Variants in AGBL4 observed in about 807,000 individuals in gnomAD.
AGBL4 encodes the protein AGBL carboxypeptidase 4, also known as cytosolic carboxypeptidase 6.
Under a neutral mutation model 66.4 loss-of-function variants are expected in AGBL4, and 58 were observed. That is an observed-to-expected ratio of 0.87 (90% CI 0.71 to 1.09). The LOEUF (loss-of-function observed/expected upper bound fraction) is 1.09, where lower values mean the gene tolerates loss of function less well. Among genes scored for constraint, AGBL4 ranks in the 50% least tolerant of loss-of-function variants. The pLI is 0.00. For missense variants in AGBL4, 579 were observed against 631.0 expected (o/e 0.92, Z 0.88); for synonymous variants, 234 against 222.9 (o/e 1.05, Z -0.44).
At chr1:48,910,797 T>A (rs1405221803) in intron 5 of AGBL4, among the ~76,000 whole-genome samples, 1 of 152,222 alleles carries the variant, frequency 6.6e-6, no homozygotes, top group Non-Finnish European at 1.5e-5. Flanking sequence ...AATGGATTTC[T>A]CCATATGGCA....
intron 5 of AGBL4, among the ~76,000 whole-genome samples, chr1:48,883,163 C>A (rs1459638872): frequency 6.6e-6 from 1 of 152,148 alleles, no homozygotes; most frequent in African/African-American, 2.4e-5. Context: ...TATGGTAGTT[C>A]TATTTTTAAT....
chr1:49,161,409 G>T (rs1032716186), intron 4 of AGBL4, among the ~76,000 whole-genome samples: 2 of 152,158 alleles, frequency 1.3e-5, no homozygotes, highest in Admixed American at 1.3e-4. Context: ...CCAATGAGAT[G>T]AACTGGTTAC....
At chr1:50,019,177 C>A (rs890491847) in intron 1 of AGBL4, among the ~76,000 whole-genome samples, 1 of 151,684 alleles carries the variant, frequency 6.6e-6, no homozygotes, top group Non-Finnish European at 1.5e-5. Context: ...ATATTTGCAT[C>A]CATACCTGCC....
At chr1:49,821,694 T>C (rs1645374735) in intron 2 of AGBL4, among the ~76,000 whole-genome samples, 1 of 152,226 alleles carries the variant, frequency 6.6e-6, no homozygotes, top group African/African-American at 2.4e-5. Context: ...ACTAAATGTT[T>C]ATATTTGTAA....
At chr1:49,877,147 TA>T (rs1647036894) in intron 1 of AGBL4, among the ~76,000 whole-genome samples, 1 of 151,552 alleles carries the variant, frequency 6.6e-6, no homozygotes, top group Non-Finnish European at 1.5e-5. Context: ...GAATACCCTT[TA>T]TTTCCGTCTC....
At chr1:49,891,340 T>G (rs1458670521) in intron 1 of AGBL4, among the ~76,000 whole-genome samples, 1 of 152,220 alleles carries the variant, frequency 6.6e-6, no homozygotes, top group Non-Finnish European at 1.5e-5. Context: ...AAAGTTCTAA[T>G]TTCTTCATCT....
intron 3 of AGBL4, among the ~76,000 whole-genome samples, chr1:49,291,849 T>C (rs969839715): frequency 6.6e-6 from 1 of 152,278 alleles, no homozygotes; most frequent in Admixed American, 6.5e-5. Flanking sequence ...CCACTCCTTC[T>C]GAGTTGTTGA....
At chr1:49,820,557 C>T (rs1355683143) in intron 2 of AGBL4, among the ~76,000 whole-genome samples, 1 of 151,996 alleles carries the variant, frequency 6.6e-6, no homozygotes, top group East Asian at 1.9e-4. Flanking sequence ...TGCAATAAGC[C>T]CTCACAGATC....
intron 3 of AGBL4, among the ~76,000 whole-genome samples, chr1:49,544,112 C>T (rs1459356878): frequency 6.6e-6 from 1 of 152,130 alleles, no homozygotes; most frequent in Non-Finnish European, 1.5e-5. Flanking sequence ...AATAAATGCC[C>T]CGTTTTCACT....
chr1:49,783,542 TATC>T (rs1644384054), intron 2 of AGBL4, among the ~76,000 whole-genome samples: 1 of 152,142 alleles, frequency 6.6e-6, no homozygotes, highest in African/African-American at 2.4e-5. Flanking sequence ...CCACAACTAA[TATC>T]ATACTTAATA....
chr1:49,841,591 T>C (rs1645990982), intron 2 of AGBL4, among the ~76,000 whole-genome samples: 1 of 152,074 alleles, frequency 6.6e-6, no homozygotes, highest in African/African-American at 2.4e-5. Flanking sequence ...AACTTCAAAC[T>C]ATACTCTAAG....
At chr1:49,953,782 C>T (rs1473249175) in intron 1 of AGBL4, among the ~76,000 whole-genome samples, 2 of 151,910 alleles carry the variant, frequency 1.3e-5, no homozygotes, top group Non-Finnish European at 2.9e-5. Context: ...ATCTAAACAC[C>T]ATAATTAAAC....
At chr1:49,756,862 C>T (rs1571497990) in intron 2 of AGBL4, among the ~76,000 whole-genome samples, 1 of 152,146 alleles carries the variant, frequency 6.6e-6, no homozygotes, top group African/African-American at 2.4e-5. Flanking sequence ...AAACCTCTTT[C>T]CTTTATAAAT....
chr1:49,535,115 T>C (rs1460719676), intron 3 of AGBL4, among the ~76,000 whole-genome samples: 1 of 151,994 alleles, frequency 6.6e-6, no homozygotes, highest in African/African-American at 2.4e-5. Context: ...AAACAGTATA[T>C]TATATGCATC....
intron 3 of AGBL4, among the ~76,000 whole-genome samples, chr1:49,395,497 TA>T (rs1482228315): frequency 6.6e-6 from 1 of 151,238 alleles, no homozygotes; most frequent in Non-Finnish European, 1.5e-5. Context: ...GTATGACACA[TA>T]TGTTGGAAAT....
At chr1:49,040,025 G>A (rs918569091) in intron 5 of AGBL4, among the ~76,000 whole-genome samples, 3 of 152,000 alleles carry the variant, frequency 2.0e-5, no homozygotes, top group Admixed American at 1.3e-4. Context: ...TCAAAAGATA[G>A]ATTAAGAGAA....
chr1:49,410,088 C>T (rs1319172727), intron 3 of AGBL4, among the ~76,000 whole-genome samples: 2 of 152,094 alleles, frequency 1.3e-5, no homozygotes, highest in Admixed American at 1.3e-4. Context: ...CTCTGCAGGC[C>T]TCTCTATACC....
chr1:48,646,367 G>A (rs1645834828), intron 8 of AGBL4, among the ~76,000 whole-genome samples: 1 of 152,120 alleles, frequency 6.6e-6, no homozygotes, highest in Admixed American at 6.5e-5. Flanking sequence ...AAAATAGGCA[G>A]TTTTTATGCT....
chr1:49,431,965 A>C (rs1645797961), intron 3 of AGBL4, among the ~76,000 whole-genome samples: 1 of 152,154 alleles, frequency 6.6e-6, no homozygotes, highest in Admixed American at 6.6e-5. Context: ...AAAGTCTGGG[A>C]TGTAACAAAA....
Sources: gnomAD v4.1 joint callset for allele counts (sites outside exome capture counted in the v4.1 genomes callset) on GRCh38, gnomAD v4.1.1 for gene constraint, MANE v1.5 for transcripts, NCBI Gene and HGNC (gene_info 2026-07-23, HGNC 2026-07-21) for gene names.